The following KLHL4 variants were observed in gnomAD, a reference collection of about 807,000 sequenced individuals.
KLHL4 encodes the protein kelch like family member 4.
KLHL4 carries 17 observed loss-of-function variants against 45.8 expected under a neutral mutation model. That is an observed-to-expected ratio of 0.37 (90% CI 0.25 to 0.56). The LOEUF (loss-of-function observed/expected upper bound fraction) is 0.56. Ranked by LOEUF, KLHL4 falls within the 20% of genes least tolerant of loss-of-function variation. The pLI, the probability that KLHL4 is intolerant of heterozygous loss-of-function variation, is 0.79. For missense variants in KLHL4, 544 were observed against 544.9 expected (o/e 1.00, Z 0.02); for synonymous variants, 224 against 189.9 (o/e 1.18, Z -1.47).
intron 8 of KLHL4, among the ~76,000 whole-genome samples, chrX:87,634,768 C>A (rs1054673725): frequency 1.8e-5 from 2 of 111,470 alleles, no homozygotes; most frequent in African/African-American, 6.5e-5. Flanking sequence ...TAAATCTATC[C>A]GTGGCCTCAC....
chrX:87,600,372 T>C (rs1007440741), intron 1 of KLHL4, among the ~76,000 whole-genome samples: 5 of 109,429 alleles, frequency 4.6e-5, no homozygotes, highest in Non-Finnish European at 7.6e-5. Flanking sequence ...TAGTCCCAGC[T>C]ATCAGGAGGC....
intron 1 of KLHL4, among the ~76,000 whole-genome samples, chrX:87,585,067 G>A (rs1343807332): frequency 9.0e-6 from 1 of 110,821 alleles, no homozygotes; most frequent in Non-Finnish European, 1.9e-5. Context: ...AAAGAGAGTG[G>A]CATGATATAT....
intron 6 of KLHL4, among the ~76,000 whole-genome samples, chrX:87,626,449 G>C (rs1922930954): frequency 9.0e-6 from 1 of 111,014 alleles, no homozygotes; most frequent in African/African-American, 3.3e-5. Flanking sequence ...CAATAAAGCA[G>C]AGGAAGCAAT....
At chrX:87,559,706 C>A (rs6617430) in intron 1 of KLHL4, among the ~76,000 whole-genome samples, 27,674 of 110,280 alleles carry the variant, frequency 0.25, 2,962 homozygotes, top group East Asian at 0.51. Flanking sequence ...ACATGCAAGA[C>A]ACCTTGACAC....
chrX:87,529,760 T>G (rs1250934223), intron 1 of KLHL4, among the ~76,000 whole-genome samples: 1 of 111,954 alleles, frequency 8.9e-6, no homozygotes, highest in East Asian at 2.8e-4. Context: ...TTAAATTCCC[T>G]TTTTTGAATA....
At chrX:87,574,577 G>T (rs963070330) in intron 1 of KLHL4, among the ~76,000 whole-genome samples, 2 of 111,479 alleles carry the variant, frequency 1.8e-5, no homozygotes, top group Non-Finnish European at 3.8e-5. Context: ...AATTAAGTTT[G>T]CACACTTAAA....
In KLHL4 at chrX:87,661,876, T is replaced by C. The variant is rs765251271; in HGVS notation, c.1926-2888T>C. On this transcript the variant is annotated intron_variant, in intron 9 of 10. Coordinates refer to ENST00000373119, the MANE Select transcript of KLHL4 (RefSeq NM_019117.5). The stretch of plus-strand genomic sequence containing the variant: ...CTTTAAATCTACTGTTTATTAATTA[T>C]GTGACCTTGACCCAGTTACTTTACA... 4.3e-4 allele frequency among the ~76,000 whole-genome samples: 48 copies of C among 111,850 alleles called. No homozygotes were observed. The Admixed American group carries it at 4.4e-3, about 10-fold the overall frequency.
intron 9 of KLHL4, among the ~76,000 whole-genome samples, chrX:87,645,052 G>A (rs777311580): frequency 8.9e-6 from 1 of 111,891 alleles, no homozygotes; most frequent in Admixed American, 9.5e-5. Context: ...AAATAGGTGG[G>A]ACCTAATTAA....
intron 1 of KLHL4, among the ~76,000 whole-genome samples, chrX:87,547,858 C>A (rs1255627863): frequency 7.2e-5 from 8 of 111,039 alleles, no homozygotes; most frequent in African/African-American, 2.3e-4. Flanking sequence ...TAAGCATGTA[C>A]AAAAGATTTA....
chrX:87,629,669 C>T (rs766642288), intron 6 of KLHL4, among the ~76,000 whole-genome samples: 3 of 110,588 alleles, frequency 2.7e-5, no homozygotes, highest in Admixed American at 9.7e-5. Flanking sequence ...TTAGGTCATC[C>T]GTAAATTGCA....
intron 1 of KLHL4, among the ~76,000 whole-genome samples, chrX:87,519,550 G>T (rs183108332): frequency 8.9e-6 from 1 of 112,313 alleles, no homozygotes; most frequent in African/African-American, 3.2e-5. Flanking sequence ...AATAATGTTA[G>T]ATTGTCTGTC....
intron 1 of KLHL4, among the ~76,000 whole-genome samples, chrX:87,528,405 TAAAG>T (rs1931158823): frequency 9.0e-6 from 1 of 110,689 alleles, no homozygotes; most frequent in Non-Finnish European, 1.9e-5. Context: ...CACCATTAAA[TAAAG>T]AAACTCACAG....
chrX:87,641,897 G>T (rs1923473064), intron 9 of KLHL4, among the ~76,000 whole-genome samples: 1 of 109,598 alleles, frequency 9.1e-6, no homozygotes, highest in Non-Finnish European at 1.9e-5. Flanking sequence ...ACCCACCCAA[G>T]GAATGTCTGA....
intron 5 of KLHL4, among the ~76,000 whole-genome samples, chrX:87,625,323 C>T (rs1181714589): frequency 3.6e-5 from 4 of 111,902 alleles, no homozygotes; most frequent in Admixed American, 9.5e-5. Context: ...CTCTACCTCC[C>T]GGGCTCAAAC....
chrX:87,526,789 C>CA (rs924526796), intron 1 of KLHL4, among the ~76,000 whole-genome samples: 1 of 111,085 alleles, frequency 9.0e-6, no homozygotes, highest in African/African-American at 3.3e-5. Flanking sequence ...ATGAGGAGAC[C>CA]AAAAAAGAAG....
intron 1 of KLHL4, among the ~76,000 whole-genome samples, chrX:87,544,698 A>G (rs1292961745): frequency 8.9e-6 from 1 of 111,889 alleles, no homozygotes; most frequent in African/African-American, 3.3e-5. Context: ...GTGCAAGACC[A>G]TCAAGGCAGT....
intron 1 of KLHL4, among the ~76,000 whole-genome samples, chrX:87,565,663 T>C (rs1392805860): frequency 1.2e-5 from 1 of 85,526 alleles, no homozygotes; most frequent in Non-Finnish European, 2.2e-5. Context: ...GAGGTGGAGG[T>C]TGCAGTGAGC....
intron 1 of KLHL4, among the ~76,000 whole-genome samples, chrX:87,610,654 TGA>T (rs1293928867): frequency 8.9e-6 from 1 of 112,179 alleles, no homozygotes; most frequent in Non-Finnish European, 1.9e-5. Flanking sequence ...AAATCATTGC[TGA>T]GTTTCTTAAA....
intron 1 of KLHL4, among the ~76,000 whole-genome samples, chrX:87,578,285 A>G (rs1921159235): frequency 8.9e-6 from 1 of 111,871 alleles, no homozygotes. Context: ...TTCCTCATTT[A>G]CTAAAGTGAA....
Sources: gnomAD v4.1 joint callset for allele counts (sites outside exome capture counted in the v4.1 genomes callset) on GRCh38, gnomAD v4.1.1 for gene constraint, MANE v1.5 for transcripts, NCBI Gene and HGNC (gene_info 2026-07-23, HGNC 2026-07-21) for gene names.